Variants in IGF2BP3 observed in about 807,000 individuals in gnomAD.
IGF2BP3 encodes the protein insulin like growth factor 2 mRNA binding protein 3.
A neutral mutation model predicts 73.8 loss-of-function variants in IGF2BP3; 9 were observed. The observed-to-expected ratio is 0.12, with a 90% CI of 0.07 to 0.21. The LOEUF is 0.21. Among genes scored for constraint, IGF2BP3 ranks in the 10% least tolerant of loss-of-function variants. The pLI, the probability that IGF2BP3 is intolerant of heterozygous loss-of-function variation, is 1.00. For missense variants in IGF2BP3, 542 were observed against 714.0 expected (o/e 0.76, Z 2.75); for synonymous variants, 258 against 256.7 (o/e 1.01, Z -0.05).
intron 3 of IGF2BP3, among the ~76,000 whole-genome samples, chr7:23,376,528 C>T (rs1785723196): frequency 7.4e-6 from 1 of 134,840 alleles, no homozygotes; most frequent in Non-Finnish European, 1.6e-5. Flanking sequence ...GAGTAAGGCT[C>T]CATCTCCCAA....
intron 5 of IGF2BP3, among the ~76,000 whole-genome samples, chr7:23,360,843 T>C (rs1445789590): frequency 2.0e-5 from 3 of 152,220 alleles, no homozygotes; most frequent in East Asian, 1.9e-4. Flanking sequence ...GCTGTGCTAC[T>C]GAGCACTTTG....
intron 10 of IGF2BP3, among the ~76,000 whole-genome samples, chr7:23,335,073 T>TAAAAAAA (rs5882898): frequency 1.7e-3 from 118 of 69,022 alleles, no homozygotes; most frequent in Non-Finnish European, 1.9e-3. Context: ...TCTTTAACAT[T>TAAAAAAA]AAAAAAAAAA....
At chr7:23,322,054 A>ACAGAG (rs1784169908) in intron 10 of IGF2BP3, among the ~76,000 whole-genome samples, 1 of 152,234 alleles carries the variant, frequency 6.6e-6, no homozygotes, top group Non-Finnish European at 1.5e-5. Flanking sequence ...CTCACCAGCA[A>ACAGAG]CAGAGCAAAG....
chr7:23,383,969 G>A (rs920471860), intron 3 of IGF2BP3, among the ~76,000 whole-genome samples: 1 of 151,650 alleles, frequency 6.6e-6, no homozygotes, highest in African/African-American at 2.4e-5. Flanking sequence ...GGTGGTGGGC[G>A]CCTGTAGTCC....
intron 3 of IGF2BP3, among the ~76,000 whole-genome samples, chr7:23,386,850 TGAG>T (rs1289356045): frequency 6.6e-6 from 1 of 152,130 alleles, no homozygotes; most frequent in Non-Finnish European, 1.5e-5. Context: ...GTGGATCACC[TGAG>T]GTCAGGAGTT....
chr7:23,330,956 C>A (rs1784429600), intron 10 of IGF2BP3, among the ~76,000 whole-genome samples: 1 of 151,978 alleles, frequency 6.6e-6, no homozygotes, highest in South Asian at 2.1e-4. Context: ...CACCACCATG[C>A]CCGGCTAATT....
chr7:23,460,949 C>G (rs1788437735), intron 2 of IGF2BP3, among the ~76,000 whole-genome samples: 1 of 151,998 alleles, frequency 6.6e-6, no homozygotes, highest in Admixed American at 6.6e-5. Context: ...GATTCTATCT[C>G]AAATAAATAA....
chr7:23,319,621 C>T (rs903346943), intron 10 of IGF2BP3, among the ~76,000 whole-genome samples: 1 of 152,114 alleles, frequency 6.6e-6, no homozygotes, highest in Non-Finnish European at 1.5e-5. Context: ...AGATTCTTAA[C>T]AAGTAAATGA....
At chr7:23,399,275 G>C (rs1236763428) in intron 3 of IGF2BP3, among the ~76,000 whole-genome samples, 1 of 152,008 alleles carries the variant, frequency 6.6e-6, no homozygotes, top group Non-Finnish European at 1.5e-5. Context: ...CTATACCTCT[G>C]TTTTGGTACC....
chr7:23,386,362 T>C (rs1786081437), intron 3 of IGF2BP3, among the ~76,000 whole-genome samples: 2 of 152,056 alleles, frequency 1.3e-5, no homozygotes, highest in South Asian at 2.1e-4. Context: ...TTCTACAAGA[T>C]AATCCTGAAA....
At chr7:23,416,368 G>C (rs919423896) in intron 3 of IGF2BP3, 1 of 152,062 alleles carries the variant, frequency 6.6e-6, no homozygotes, top group Non-Finnish European at 1.5e-5. Context: ...TCTGTAACAG[G>C]CCCCTTCCTT....
rs536676702 is a variant in IGF2BP3, at chr7:23,313,240, G to A, written c.1527+282C>T. Among the ~76,000 whole-genome samples the A allele has an allele frequency of 7.9e-5, 12 of 152,304 alleles. No individual in the cohort carries two copies. In the South Asian group the frequency reaches 2.1e-3, roughly 26 times the overall value. On this transcript the variant is annotated intron_variant, in intron 13 of 14. Coordinates refer to ENST00000258729, the MANE Select transcript of IGF2BP3 (RefSeq NM_006547.3). Reference sequence around the variant, plus strand: ...GAAATTTTTAAAATTCCTGTTAAGTGTCTGTTCCATAAAAAGCTAAAGTTT... The same window carrying A: ...GAAATTTTTAAAATTCCTGTTAAGTATCTGTTCCATAAAAAGCTAAAGTTT...
At chr7:23,375,515 G>A (rs1443490540) in intron 3 of IGF2BP3, among the ~76,000 whole-genome samples, 1 of 152,094 alleles carries the variant, frequency 6.6e-6, no homozygotes, top group East Asian at 1.9e-4. Flanking sequence ...GCAAACACCA[G>A]TTTTAGTAAC....
intron 10 of IGF2BP3, among the ~76,000 whole-genome samples, chr7:23,339,796 C>A (rs1365795045): frequency 6.6e-6 from 1 of 152,128 alleles, no homozygotes; most frequent in Admixed American, 6.5e-5. Context: ...CTCATTGTAC[C>A]TTTTAGTAAG....
intron 3 of IGF2BP3, among the ~76,000 whole-genome samples, chr7:23,398,193 G>C (rs1182472653): frequency 6.6e-6 from 1 of 151,962 alleles, no homozygotes; most frequent in African/African-American, 2.4e-5. Flanking sequence ...ATAGTTTGCT[G>C]AGAATGATGG....
intron 3 of IGF2BP3, among the ~76,000 whole-genome samples, chr7:23,388,470 G>T (rs895592688): frequency 2.0e-5 from 3 of 152,088 alleles, no homozygotes; most frequent in Admixed American, 6.6e-5. Context: ...GCTAAAAAAG[G>T]GAGTTTACAA....
chr7:23,345,916 A>C, intron 8 of IGF2BP3, 24 bp downstream of exon 8: 2 of 1,607,030 alleles, frequency 1.2e-6, no homozygotes, highest in Non-Finnish European at 1.7e-6. Flanking sequence ...AAGTTTTCTT[A>C]TTCAAAAGCA....
At chr7:23,355,222 TTTA>T (rs752293440) in intron 5 of IGF2BP3, among the ~76,000 whole-genome samples, 10 of 130,780 alleles carry the variant, frequency 7.6e-5, no homozygotes, top group African/African-American at 3.3e-4. Context: ...TCTTTTTATT[TTTA>T]TTTTTTTTTT....
Position 23,366,516 on chromosome 7 carries a change from A to G in IGF2BP3, c.286-4775T>C, listed in dbSNP as rs1785375953. The stretch of plus-strand genomic sequence containing the variant: ...AAATGGTGAGTTTTATTGTCTGTGA[A>G]TAATACTTCAACAAGCATGGCTTTA... On this transcript the variant is annotated intron_variant, in intron 3 of 14. Coordinates refer to ENST00000258729, the MANE Select transcript of IGF2BP3 (RefSeq NM_006547.3). 4.0e-5 allele frequency among the ~76,000 whole-genome samples: 6 copies of G among 151,768 alleles called. No individual in the cohort carries two copies. In the South Asian group the frequency reaches 1.3e-3, roughly 32 times the overall value.
Sources: gnomAD v4.1 joint callset for allele counts (sites outside exome capture counted in the v4.1 genomes callset) on GRCh38, gnomAD v4.1.1 for gene constraint, MANE v1.5 for transcripts, NCBI Gene and HGNC (gene_info 2026-07-23, HGNC 2026-07-21) for gene names.